ST6GALNAC5: variants seen among roughly 807,000 people sequenced by gnomAD.
ST6GALNAC5 encodes the protein alpha-N-acetylgalactosaminide alpha-2,6-sialyltransferase 5.
A neutral mutation model predicts 33.6 loss-of-function variants in ST6GALNAC5; 27 were observed. That is an observed-to-expected ratio of 0.80 (90% CI 0.59 to 1.11). ST6GALNAC5 has a LOEUF of 1.11. Among genes scored for constraint, ST6GALNAC5 ranks in the 50% least tolerant of loss-of-function variants. ST6GALNAC5 has a pLI of 0.00. For missense variants in ST6GALNAC5, 428 were observed against 454.0 expected (o/e 0.94, Z 0.52); for synonymous variants, 194 against 171.2 (o/e 1.13, Z -1.04).
At chr1:77,021,321 G>A (rs1651046573) in intron 2 of ST6GALNAC5, among the ~76,000 whole-genome samples, 1 of 152,074 alleles carries the variant, frequency 6.6e-6, no homozygotes, top group Non-Finnish European at 1.5e-5. Flanking sequence ...GGGGGCAGGG[G>A]GTATGTTGCT....
intron 2 of ST6GALNAC5, among the ~76,000 whole-genome samples, chr1:76,877,904 G>A (rs958056968): frequency 1.3e-5 from 2 of 152,232 alleles, no homozygotes; most frequent in Non-Finnish European, 2.9e-5. Flanking sequence ...TGGAGAAAAA[G>A]GCATTTGCCG....
intron 2 of ST6GALNAC5, among the ~76,000 whole-genome samples, chr1:76,901,244 A>G (rs897289560): frequency 2.0e-5 from 3 of 152,244 alleles, no homozygotes; most frequent in East Asian, 3.8e-4. Flanking sequence ...CTTAGTCACC[A>G]ATGTATTTTC....
chr1:76,938,261 G>T (rs552561784), intron 2 of ST6GALNAC5, among the ~76,000 whole-genome samples: 1 of 152,150 alleles, frequency 6.6e-6, no homozygotes, highest in Admixed American at 6.6e-5. Context: ...AGCAGCAAAG[G>T]GTGAAGAAAG....
intron 2 of ST6GALNAC5, among the ~76,000 whole-genome samples, chr1:76,911,666 T>C (rs1410400259): frequency 6.6e-6 from 1 of 152,174 alleles, no homozygotes; most frequent in Admixed American, 6.6e-5. Context: ...CCTGGTTTAG[T>C]CTTGGGAGAG....
intron 2 of ST6GALNAC5, among the ~76,000 whole-genome samples, chr1:76,974,682 T>G (rs557061622): frequency 1.4e-5 from 2 of 143,074 alleles, no homozygotes; most frequent in South Asian, 4.6e-4. Context: ...TTTCTGCATT[T>G]TCATACTGCT....
At chr1:76,992,673 C>T (rs901829376) in intron 2 of ST6GALNAC5, among the ~76,000 whole-genome samples, 9 of 152,088 alleles carry the variant, frequency 5.9e-5, no homozygotes, top group African/African-American at 2.2e-4. Flanking sequence ...TTTTCTATTT[C>T]TTTGTAGAGA....
At chr1:76,904,167 T>G (rs1316279196) in intron 2 of ST6GALNAC5, among the ~76,000 whole-genome samples, 1 of 152,170 alleles carries the variant, frequency 6.6e-6, no homozygotes, top group Non-Finnish European at 1.5e-5. Context: ...AATAGGTCAT[T>G]TTCATGGGAA....
At chr1:77,025,777 C>T (rs1278762612) in intron 2 of ST6GALNAC5, among the ~76,000 whole-genome samples, 3 of 152,086 alleles carry the variant, frequency 2.0e-5, no homozygotes, top group Non-Finnish European at 4.4e-5. Context: ...CACTCAGGCT[C>T]CCTCCCTCCT....
intron 4 of ST6GALNAC5, among the ~76,000 whole-genome samples, chr1:77,053,169 C>A (rs1050677630): frequency 1.3e-5 from 2 of 152,158 alleles, no homozygotes; most frequent in Non-Finnish European, 2.9e-5. Context: ...ACTCATTTGA[C>A]CATTCCCTCT....
intron 2 of ST6GALNAC5, among the ~76,000 whole-genome samples, chr1:76,967,610 T>A (rs2100359795): frequency 6.6e-6 from 1 of 152,342 alleles, no homozygotes; most frequent in Non-Finnish European, 1.5e-5. Context: ...CTTAGTTATT[T>A]CCTGCATTCT....
intron 2 of ST6GALNAC5, among the ~76,000 whole-genome samples, chr1:76,877,632 G>A (rs561773257): frequency 4.6e-5 from 7 of 152,174 alleles, no homozygotes; most frequent in Admixed American, 1.3e-4. Flanking sequence ...ATTTATTTCC[G>A]ATCCTCTGGC....
At chr1:77,014,623 C>T (rs927208239) in intron 2 of ST6GALNAC5, among the ~76,000 whole-genome samples, 3 of 152,212 alleles carry the variant, frequency 2.0e-5, no homozygotes, top group East Asian at 3.9e-4. Flanking sequence ...TCAGTAGAGC[C>T]CCACTGGTAG....
At chr1:77,046,491 C>T (rs1425985001) in intron 3 of ST6GALNAC5, among the ~76,000 whole-genome samples, 3 of 152,200 alleles carry the variant, frequency 2.0e-5, no homozygotes, top group East Asian at 3.9e-4. Flanking sequence ...AAAGAGCTGG[C>T]TGTTGGCACT....
At chr1:76,872,118 C>CCA (rs5775365) in intron 2 of ST6GALNAC5, among the ~76,000 whole-genome samples, 8 of 126,962 alleles carry the variant, frequency 6.3e-5, no homozygotes, top group Non-Finnish European at 9.7e-5. Context: ...CACACACACA[C>CCA]CACACACATT....
chr1:77,050,162 G>T, intron 3 of ST6GALNAC5, 96 bp from the exon 4 acceptor site: 1 of 989,942 alleles, frequency 1.0e-6, no homozygotes, highest in Non-Finnish European at 1.6e-6. Context: ...AGAGACTCTT[G>T]TTTATAGTTA....
chr1:76,891,904 TCA>T (rs1394627682), intron 2 of ST6GALNAC5, among the ~76,000 whole-genome samples: 2 of 152,218 alleles, frequency 1.3e-5, no homozygotes, highest in Non-Finnish European at 2.9e-5. Context: ...TATTTTAAAT[TCA>T]GTTATATATA....
At chr1:76,990,974 C>G (rs569699096) in intron 2 of ST6GALNAC5, among the ~76,000 whole-genome samples, 1 of 152,186 alleles carries the variant, frequency 6.6e-6, no homozygotes, top group Admixed American at 6.5e-5. Context: ...GGAGCTTCAG[C>G]CTTCAGTAGT....
intron 2 of ST6GALNAC5, among the ~76,000 whole-genome samples, chr1:76,913,221 T>G (rs1480581374): frequency 1.3e-5 from 2 of 151,772 alleles, no homozygotes; most frequent in South Asian, 2.1e-4. Context: ...GAAAATTCTT[T>G]TCTTTAAGAA....
At chr1:76,944,967 A>G (rs1352192894) in intron 2 of ST6GALNAC5, among the ~76,000 whole-genome samples, 1 of 152,160 alleles carries the variant, frequency 6.6e-6, no homozygotes, top group Non-Finnish European at 1.5e-5. Context: ...AGGACAGACC[A>G]TCCCACTGCT....
Sources: allele counts gnomAD v4.1 joint callset (sites outside exome capture counted in the v4.1 genomes callset), GRCh38; gene constraint gnomAD v4.1.1; transcripts MANE v1.5; gene names NCBI Gene and HGNC (gene_info 2026-07-23, HGNC 2026-07-21).